The following NUP107 variants were observed in gnomAD, a reference collection of about 807,000 sequenced individuals.
The protein encoded by NUP107 is nuclear pore complex protein Nup107.
In NUP107, 101 loss-of-function variants were observed where a neutral mutation model predicts 141.0. The ratio of observed to expected loss-of-function variants is 0.72; its 90% CI spans 0.61 to 0.84. The LOEUF is 0.84. Ranked by LOEUF, NUP107 falls within the 40% of genes least tolerant of loss-of-function variation. NUP107 has a pLI of 0.00. For missense variants in NUP107, 941 were observed against 1,102.7 expected, an observed-to-expected ratio of 0.85 and a Z score of 2.08; for synonymous variants, 319 against 363.9, an observed-to-expected ratio of 0.88 and a Z score of 1.41.
intron 14 of NUP107, among the ~76,000 whole-genome samples, chr12:68,720,694 G>A (rs1406773307): frequency 6.6e-6 from 1 of 152,104 alleles, no homozygotes; most frequent in Non-Finnish European, 1.5e-5. Flanking sequence ...GTTCTATGTA[G>A]GAATTAAATG....
intron 17 of NUP107, among the ~76,000 whole-genome samples, chr12:68,724,626 A>T (rs185226861): frequency 1.8e-4 from 27 of 152,202 alleles, no homozygotes; most frequent in Admixed American, 1.3e-3. Flanking sequence ...AAAAAATTTT[A>T]AAAATTAGCC....
chr12:68,715,221 C>T (rs925138530), intron 11 of NUP107, among the ~76,000 whole-genome samples: 3 of 152,142 alleles, frequency 2.0e-5, no homozygotes, highest in Non-Finnish European at 4.4e-5. Context: ...TTCAGCCAGG[C>T]GCAGTGGTTC....
Position 68,744,428 on chromosome 12 carries a change from C to T in NUP107, c.*1966C>T, listed in dbSNP as rs555120462. The T allele has an allele frequency of 6.6e-6, 1 of 152,254 alleles. No homozygotes were observed. The highest frequency in any genetic ancestry group is 2.4e-5 in the African/African-American group (1 of 41,544). 9.4% of individuals were successfully genotyped at this position (152,254 alleles called of 1,614,324 possible). A position where few individuals can be genotyped will look rare whatever the true frequency, so the allele number is the denominator to read the frequency against. On this transcript the variant is annotated 3_prime_UTR_variant, in exon 28 of 28. Transcript: ENST00000229179. ...TGAGACATGGTCTTGCTCTGTCTCC[C>T]AGGCCGGAGTGCAGTGGCATGATAT...
chr12:68,738,265 ACT>A (rs1050280596), intron 26 of NUP107, among the ~76,000 whole-genome samples: 2 of 150,810 alleles, frequency 1.3e-5, no homozygotes, highest in East Asian at 1.9e-4. Context: ...ACAGAGCGAG[ACT>A]CTGTCTCAAA....
chr12:68,719,440 G>A lies in NUP107; in HGVS notation c.1174+9G>A. 1.2e-6 allele frequency: 2 copies of A among 1,611,384 alleles called. No individual in the cohort carries two copies. Among genetic ancestry groups the A allele is most frequent in the Non-Finnish European group, 1.7e-6 (2 of 1,177,656 alleles). On this transcript the variant is annotated intron_variant, in intron 13 of 27. Coordinates refer to ENST00000229179, the MANE Select transcript of NUP107 (RefSeq NM_020401.4). ...CCCTAATGTTAATGGAGGTATTTTA[G>A]TAGATTTTATTCTGACAGTTGAGGA...
rs1367377498 is a variant in NUP107 at position 68,732,739 on chromosome 12, G to A, written c.2101G>A (p.Ala701Thr). The A allele has an allele frequency of 1.3e-6, 2 of 1,589,238 alleles. No homozygotes were observed. The highest frequency in any genetic ancestry group is 1.7e-6 in the Non-Finnish European group (2 of 1,160,188). Residue 701 changes from alanine to threonine, a missense_variant and splice_region_variant, in exon 23 of 28, where the codon GCA becomes ACA. Ala to Thr is a moderately conservative substitution (Grantham distance 58). Coordinates refer to ENST00000229179, the MANE Select transcript of NUP107 (RefSeq NM_020401.4). ...CAATGCAATTATGAGAAAATTCTTG[G>A]GTATAGTATATTTTTATGCAGCTTC... ...QGNAIMRKFL[A>T]SKKHEAAKEV...
intron 8 of NUP107, chr12:68,707,164 G>A (rs1876624450): frequency 1.9e-6 from 1 of 527,570 alleles, no homozygotes; most frequent in East Asian, 3.4e-5. Flanking sequence ...AGACCCACCT[G>A]AGGCTCAGCC....
At chr12:68,699,684 T>G (rs1876233772) in intron 6 of NUP107, among the ~76,000 whole-genome samples, 1 of 152,140 alleles carries the variant, frequency 6.6e-6, no homozygotes, top group African/African-American at 2.4e-5. Context: ...TATTAAGGGG[T>G]GGGAAAACCC....
At chr12:68,689,825 G>C (rs1280620973) in intron 3 of NUP107, 1 of 473,562 alleles carries the variant, frequency 2.1e-6, no homozygotes, top group Non-Finnish European at 3.7e-6. Flanking sequence ...CATGGGTATT[G>C]TTGGCCCTGT....
intron 17 of NUP107, among the ~76,000 whole-genome samples, chr12:68,723,765 GT>G (rs1470582529): frequency 1.3e-5 from 2 of 152,068 alleles, no homozygotes; most frequent in Non-Finnish European, 2.9e-5. Flanking sequence ...GGAACTTGCT[GT>G]TCTACTCACA....
intron 12 of NUP107, among the ~76,000 whole-genome samples, chr12:68,717,044 C>T (rs971729296): frequency 1.3e-5 from 2 of 152,006 alleles, no homozygotes; most frequent in African/African-American, 2.4e-5. Context: ...AATACAGGCA[C>T]ACGCCTCCAC....
chr12:68,727,363 A>G lies in NUP107; in HGVS notation c.1708A>G (p.Ile570Val), dbSNP rs535290600. Reference sequence around the variant, plus strand: ...TTTTCCTATGAAGGAGGAAGTTTCTATTGAAGTTTTAAAGACATACATACA... The same window carrying G: ...TTTTCCTATGAAGGAGGAAGTTTCTGTTGAAGTTTTAAAGACATACATACA... The part of the protein sequence containing the change: ...LGLQTKEEVS[I>V]EVLKTYIQLL... The change falls in exon 20 of 28, where the codon ATT (isoleucine) becomes GTT (valine). Residue 570 changes from isoleucine to valine, a missense_variant. Coordinates refer to ENST00000229179, the MANE Select transcript of NUP107 (RefSeq NM_020401.4). 2.0e-6 allele frequency: 3 copies of G among 1,515,332 alleles called. No individual in the cohort carries two copies. The highest frequency in any genetic ancestry group is 1.2e-5 in the South Asian group (1 of 84,024). 93.9% of individuals were successfully genotyped at this position (1,515,332 alleles called of 1,614,324 possible).
rs77112092 is a variant in NUP107 at position 68,700,786 on chromosome 12, A to G, written c.613A>G (p.Thr205Ala). The change falls in exon 7 of 28, where the codon ACA becomes GCA. Residue 205 changes from threonine to alanine, a missense_variant. Transcript: ENST00000229179. Reference protein sequence around the residue: ...ATPGLQKFSKTASMLWLLQQE... With the variant: ...ATPGLQKFSKAASMLWLLQQE... ...ACCTGGACTTCAAAAATTTTCAAAA[A>G]CAGCCAGTATGCTCTGGCTTCTTCA... The G allele has an allele frequency of 6.2e-7, 1 of 1,611,792 alleles. No individual in the cohort carries two copies. Among genetic ancestry groups the G allele is most frequent in the Non-Finnish European group, 8.5e-7 (1 of 1,179,354 alleles).
At position 68,726,622 on chromosome 12, in the gene NUP107, A is replaced by G. The variant is rs758733071; in HGVS notation, c.1695+5A>G. 1.3e-6 allele frequency: 2 copies of G among 1,543,682 alleles called. No homozygotes were observed. The highest frequency in any genetic ancestry group is 3.4e-5 in the Admixed American group (2 of 59,340). On this transcript the variant is annotated splice_donor_5th_base_variant and intron_variant, in intron 19 of 27. Coordinates refer to ENST00000229179, the MANE Select transcript of NUP107 (RefSeq NM_020401.4). ...ACTCTGGGACTACAGACCAAGGTAT[A>G]TAAAAATGAACGATTTCTTCTTCTC... is the stretch of plus-strand genomic sequence containing the variant.
At chr12:68,689,715 A>C (rs576131698) in intron 3 of NUP107, 96 bp downstream of exon 3, 31 of 784,500 alleles carry the variant, frequency 4.0e-5, no homozygotes, top group Non-Finnish European at 5.7e-5. Flanking sequence ...TTTGGTTACG[A>C]TATCAATAAG....
intron 26 of NUP107, among the ~76,000 whole-genome samples, chr12:68,740,934 C>A (rs1878295812): frequency 1.3e-5 from 2 of 151,390 alleles, no homozygotes; most frequent in African/African-American, 4.9e-5. Context: ...TGGTTCTTAG[C>A]TACTTGGGAG....
chr12:68,718,222 G>A (rs546112357), intron 12 of NUP107, among the ~76,000 whole-genome samples: 2 of 152,312 alleles, frequency 1.3e-5, no homozygotes, highest in South Asian at 4.1e-4. Context: ...AGTAAAAGGA[G>A]TATATTTTCT....
At position 68,734,701 on chromosome 12, in the gene NUP107, A is replaced by AT; in HGVS notation, c.2263-3dup. 1 of 1,519,990 alleles carries AT rather than the reference A, an allele frequency of 6.6e-7. No homozygotes were observed. The highest frequency in any genetic ancestry group is 8.8e-7 in the Non-Finnish European group (1 of 1,133,488). 94.2% of individuals were successfully genotyped at this position (1,519,990 alleles called of 1,614,324 possible). A position where few individuals can be genotyped will look rare whatever the true frequency, so the allele number is the denominator to read the frequency against. On this transcript the variant is annotated splice_polypyrimidine_tract_variant and splice_region_variant and intron_variant, in intron 24 of 27. Coordinates refer to ENST00000229179, the MANE Select transcript of NUP107 (RefSeq NM_020401.4). ...TTATATTTTGGTTTTTTTATTTCACATTTTAGGAAGCCCATGAAACCTTTA... is the reference window on the plus strand; with the variant it reads ...TTATATTTTGGTTTTTTTATTTCACATTTTTAGGAAGCCCATGAAACCTTTA...
At chr12:68,705,786 T>A in intron 8 of NUP107, 2 of 753,176 alleles carry the variant, frequency 2.7e-6, no homozygotes, top group Admixed American at 1.8e-5. Flanking sequence ...GTAGCCTGGG[T>A]GGAGACTTTG....
Sources: allele counts gnomAD v4.1 joint callset (sites outside exome capture counted in the v4.1 genomes callset), GRCh38; gene constraint gnomAD v4.1.1; transcripts MANE v1.5; gene names NCBI Gene and HGNC (gene_info 2026-07-23, HGNC 2026-07-21).